LHX1: variants seen among roughly 807,000 people sequenced by gnomAD.
LHX1 encodes LIM/homeobox protein Lhx1.
A neutral mutation model predicts 34.1 loss-of-function variants in LHX1; 9 were observed. The ratio of observed to expected loss-of-function variants is 0.26; its 90% CI spans 0.16 to 0.46. The LOEUF is 0.46. LHX1 is among the 20% of genes least tolerant of loss of function. The pLI, the probability that LHX1 is intolerant of heterozygous loss-of-function variation, is 1.00. For synonymous variants in LHX1, 254 were observed against 241.5 expected, an observed-to-expected ratio of 1.05 and a Z score of -0.48; for missense variants, 446 against 559.1, an observed-to-expected ratio of 0.80 and a Z score of 2.04.
Position 36,943,284 on chromosome 17 carries a change from G to A in LHX1, c.*153G>A, listed in dbSNP as rs1168898504. 4.3e-6 allele frequency: 4 copies of A among 937,666 alleles called. No individual in the cohort carries two copies. The highest frequency in any genetic ancestry group is 6.1e-6 in the Non-Finnish European group (4 of 651,486). 58.1% of individuals were successfully genotyped at this position (937,666 alleles called of 1,614,324 possible). On this transcript the variant is annotated 3_prime_UTR_variant, in exon 5 of 5. Coordinates refer to ENST00000614239, the MANE Select transcript of LHX1 (RefSeq NM_005568.5). The stretch of plus-strand genomic sequence containing the variant: ...CTTCTGGGGAGACCGGATGGAAAAG[G>A]GGGACACGAAATAGGATCCAAATCG...
At chr17:36,939,664 G>A (rs994285166) in intron 1 of LHX1, among the ~76,000 whole-genome samples, 7 of 151,708 alleles carry the variant, frequency 4.6e-5, no homozygotes, top group African/African-American at 1.4e-4. Flanking sequence ...CCCAGAGCCA[G>A]CTCCCGCAGC....
At chr17:36,941,099 T>TGGAGTGG (rs1343551383) in intron 3 of LHX1, 1 of 801,912 alleles carries the variant, frequency 1.2e-6, no homozygotes, top group South Asian at 1.5e-5. Context: ...ACAGAGGTGA[T>TGGAGTGG]CGTGGCAGTG....
rs755751955 is a variant in LHX1 at position 36,937,812 on chromosome 17, T to G, written c.-386T>G. On this transcript the variant is annotated 5_prime_UTR_variant, in exon 1 of 5. Transcript: ENST00000614239. ...AGCTCGGCGAGTCGTCGTCTTCTTC[T>G]TCTCCGTTTTTATTTATTTATTTCC... 8.0e-6 allele frequency: 4 copies of G among 497,142 alleles called. No individual in the cohort carries two copies. The highest frequency in any genetic ancestry group is 6.2e-5 in the South Asian group (4 of 64,906). 30.8% of individuals were successfully genotyped at this position (497,142 alleles called of 1,614,324 possible).
upstream of LHX1, chr17:36,937,359 T>C (rs1333998210): frequency 2.9e-6 from 1 of 349,392 alleles, no homozygotes; most frequent in Non-Finnish European, 5.6e-6. Flanking sequence ...GCTGGGGCGG[T>C]AGGGAAGGAG....
In LHX1 at chr17:36,942,762, C is replaced by A. The variant is rs1463138183; in HGVS notation, c.852C>A (p.Ser284Arg). 2.0e-6 allele frequency: 3 copies of A among 1,525,026 alleles called. No individual in the cohort carries two copies. Among genetic ancestry groups the A allele is most frequent in the Non-Finnish European group, 2.6e-6 (3 of 1,134,676 alleles). The allele number at this position is 1,525,026 out of a possible 1,614,324, so 94.5% of individuals were successfully genotyped here. A position where few individuals can be genotyped will look rare whatever the true frequency, so the allele number is the denominator to read the frequency against. Residue 284 changes from serine (S) to arginine (R), a missense_variant, in exon 5 of 5, where the codon AGC (serine) becomes AGA (arginine). Physicochemically the swap from Ser to Arg is moderately radical, Grantham distance 110. Transcript: ENST00000614239. ...GPFSFYGDYQSEYYGPGGNYD... is the reference protein window; with the variant it reads ...GPFSFYGDYQREYYGPGGNYD... The stretch of plus-strand genomic sequence containing the variant: ...CCCGCCGCTCCGCAGATTACCAGAG[C>A]GAGTACTACGGGCCCGGGGGCAACT...
chr17:36,938,798 G>A (rs757519090), intron 1 of LHX1: 13 of 337,688 alleles, frequency 3.8e-5, no homozygotes, highest in Admixed American at 1.7e-4. Context: ...TTCCGACCCC[G>A]AGCGGTCTTG....
In LHX1 at chr17:36,942,973, C is replaced by T. The variant is rs1460037203; in HGVS notation, c.1063C>T (p.Pro355Ser). Residue 355 changes from proline to serine, a missense_variant, in exon 5 of 5, where the codon CCC (proline) becomes TCC (serine). By Grantham distance (74) the Pro-to-Ser change is moderately conservative. Around this residue, in one of 3 missense-constraint regions of LHX1, gnomAD observed 235 missense variants for 224.4 expected, o/e 1.05. Transcript: ENST00000614239. Reference protein sequence around the residue: ...DILAHPPGDSPSPEPSLPGPL... With the variant: ...DILAHPPGDSSSPEPSLPGPL... The stretch of plus-strand genomic sequence containing the variant: ...CCTGGCGCACCCACCCGGGGACTCG[C>T]CCAGCCCCGAGCCCAGCCTGCCCGG... 3 of 1,610,940 alleles carry T rather than the reference C, an allele frequency of 1.9e-6. No individual in the cohort carries two copies. The Admixed American group carries it at 5.0e-5, about 27-fold the overall frequency.
chr17:36,944,451 GCTA>G lies in LHX1; in HGVS notation c.*1323_*1325del, dbSNP rs1287192220. Reference sequence around the variant, plus strand: ...ATGGTCAAATATGCAGTCAACAGCTGCTACTTTTTCTTTATATATTAAATTTCT... The same window carrying G: ...ATGGTCAAATATGCAGTCAACAGCTGCTTTTTCTTTATATATTAAATTTCT... On this transcript the variant is annotated 3_prime_UTR_variant, in exon 5 of 5. Transcript: ENST00000614239. 3 of 152,120 alleles carry G rather than the reference GCTA, an allele frequency of 2.0e-5. No homozygotes were observed. The highest frequency in any genetic ancestry group is 4.4e-5 in the Non-Finnish European group (3 of 68,014). 9.4% of individuals were successfully genotyped at this position (152,120 alleles called of 1,614,324 possible).
Position 36,940,740 on chromosome 17 carries a change from G to C in LHX1, c.528G>C (p.Leu176=). ...GCAACGAGAATGACGACCAGAACCT[G>C]GGCGCCAAGCGGCGGGGACCGCGCA... ...AGSNENDDQN[L]GAKRRGPRTT... is the part of the protein sequence containing the mutation. Residue 176 remains leucine, a synonymous_variant, in exon 3 of 5, where the codon CTG becomes CTC. Coordinates refer to ENST00000614239, the MANE Select transcript of LHX1 (RefSeq NM_005568.5). 1.2e-6 allele frequency: 2 copies of C among 1,613,752 alleles called. No homozygotes were observed. The highest frequency in any genetic ancestry group is 2.2e-5 in the East Asian group (1 of 44,874).
At chr17:36,941,543 G>C in intron 3 of LHX1, 1 of 252,646 alleles carries the variant, frequency 4.0e-6, no homozygotes, top group East Asian at 1.1e-4. Context: ...CACCGGGCCT[G>C]ATGCCCTGCG....
Position 36,943,424 on chromosome 17 carries a change from A to C in LHX1, c.*293A>C. ...CACCTGGACCCGGATCCGTAGACAG[A>C]CCCCGCGGGCGTGTGCGCCTGGCAG... On this transcript the variant is annotated 3_prime_UTR_variant, in exon 5 of 5. Transcript: ENST00000614239. 1 of 359,912 alleles carries C rather than the reference A, an allele frequency of 2.8e-6. No individual in the cohort carries two copies. The allele number at this position is 359,912 out of a possible 1,614,324, so 22.3% of individuals were successfully genotyped here.
rs2070780763 is a variant in LHX1 at position 36,943,293 on chromosome 17, A to G, written c.*162A>G. 1.2e-6 allele frequency: 1 copy of G among 867,194 alleles called. No individual in the cohort carries two copies. The highest frequency in any genetic ancestry group is 2.0e-5 in the South Asian group (1 of 50,552). The allele number at this position is 867,194 out of a possible 1,614,324, so 53.7% of individuals were successfully genotyped here. A position where few individuals can be genotyped will look rare whatever the true frequency, so the allele number is the denominator to read the frequency against. On this transcript the variant is annotated 3_prime_UTR_variant, in exon 5 of 5. Coordinates refer to ENST00000614239, the MANE Select transcript of LHX1 (RefSeq NM_005568.5). The stretch of plus-strand genomic sequence containing the variant: ...AGACCGGATGGAAAAGGGGGACACG[A>G]AATAGGATCCAAATCGGCCTCGAGG...
rs555715484 is a variant in LHX1, at chr17:36,942,301, G to A, written c.777G>A (p.Arg259=). Residue 259 remains arginine (R), a synonymous_variant, in exon 4 of 5, where the codon CGG becomes CGA. Transcript: ENST00000614239. ...HAFFRSPRRM[R]PLVDRLEPGE... Reference sequence around the variant, plus strand: ...TCTTCCGCAGTCCGCGCCGGATGCGGCCGCTGGTGGACCGCCTGGAGCCGG... The same window carrying A: ...TCTTCCGCAGTCCGCGCCGGATGCGACCGCTGGTGGACCGCCTGGAGCCGG... The A allele has an allele frequency of 3.1e-6, 5 of 1,593,946 alleles. No individual in the cohort carries two copies. The African/African-American group carries it at 4.0e-5, about 13-fold the overall frequency.
chr17:36,938,397 CT>C, intron 1 of LHX1, 30 bp downstream of exon 1: 1 of 1,610,146 alleles, frequency 6.2e-7, no homozygotes. Context: ...GCCTCTGCTG[CT>C]ACCTCCCCGC....
upstream of LHX1, chr17:36,936,851 A>G (rs557296833): frequency 3.7e-5 from 7 of 188,776 alleles, no homozygotes; most frequent in Non-Finnish European, 7.8e-5. Flanking sequence ...CGACTGGGCC[A>G]GGAGACCAGG....
chr17:36,943,103 C>T lies in LHX1; in HGVS notation c.1193C>T (p.Pro398Leu), dbSNP rs538710873. The T allele has an allele frequency of 6.2e-7, 1 of 1,612,232 alleles. No homozygotes were observed. The stretch of plus-strand genomic sequence containing the variant: ...TACGGAAACCACCTGTCCCACCCCC[C>T]CGAAATGAACGAGGCGGCCGTGTGG... ...ASYGNHLSHP[P>L]EMNEAAVW Residue 398 changes from proline (P) to leucine (L), a missense_variant, in exon 5 of 5, where the codon CCC (proline) becomes CTC (leucine). This residue lies in a region of LHX1 where 235 missense variants were observed against 224.4 expected (regional missense o/e 1.05). Transcript: ENST00000614239.
chr17:36,941,645 G>A (rs1017656824), intron 3 of LHX1: 1 of 204,964 alleles, frequency 4.9e-6, no homozygotes, highest in Non-Finnish European at 1.0e-5. Context: ...AGGAGACTGT[G>A]AGAACCTGTG....
Position 36,941,393 on chromosome 17 carries a change from G to GCT in LHX1, c.675+509_675+510dup, listed in dbSNP as rs1482533224. The GCT allele has an allele frequency of 1.5e-5, 5 of 339,956 alleles. No individual in the cohort carries two copies. In the Admixed American group the frequency reaches 2.0e-4, roughly 14 times the overall value. The allele number at this position is 339,956 out of a possible 1,614,324, so 21.1% of individuals were successfully genotyped here. On this transcript the variant is annotated intron_variant, in intron 3 of 4. Coordinates refer to ENST00000614239, the MANE Select transcript of LHX1 (RefSeq NM_005568.5). The stretch of plus-strand genomic sequence containing the variant: ...AGAGAGGTGGTTCCGCCGGGAGTCA[G>GCT]CTCTGCTTCCAGCGGGTTGGAGTGA...
chr17:36,937,202 C>T (rs762636678), upstream of LHX1: 15 of 453,076 alleles, frequency 3.3e-5, no homozygotes, highest in Non-Finnish European at 1.8e-5. Flanking sequence ...TGCGCCCAGG[C>T]GGCCGCGAGT....
Sources: allele counts gnomAD v4.1 joint callset (sites outside exome capture counted in the v4.1 genomes callset), GRCh38; gene constraint gnomAD v4.1.1; regional missense constraint gnomAD v4.1.1; transcripts MANE v1.5; gene names NCBI Gene and HGNC (gene_info 2026-07-23, HGNC 2026-07-21).